KATNIP: variants seen among roughly 807,000 people sequenced by gnomAD.
The protein encoded by KATNIP is katanin interacting protein.
Under a neutral mutation model 174.0 loss-of-function variants are expected in KATNIP, and 126 were observed. The observed-to-expected ratio is 0.72, with a 90% CI of 0.63 to 0.84. The LOEUF (loss-of-function observed/expected upper bound fraction) is 0.84, where lower values mean the gene tolerates loss of function less well. Among genes scored for constraint, KATNIP ranks in the 40% least tolerant of loss-of-function variants. The pLI, the probability that KATNIP is intolerant of heterozygous loss-of-function variation, is 0.00. For synonymous variants in KATNIP, 810 were observed against 835.7 expected, an observed-to-expected ratio of 0.97 and a Z score of 0.53; for missense variants, 1,958 against 2,109.7, an observed-to-expected ratio of 0.93 and a Z score of 1.41.
At chr16:27,670,496 A>G (rs2077857246) in intron 6 of KATNIP, among the ~76,000 whole-genome samples, 1 of 152,160 alleles carries the variant, frequency 6.6e-6, no homozygotes, top group South Asian at 2.1e-4. Flanking sequence ...TGCCGTCTGT[A>G]TTCCCTGGGT....
At chr16:27,669,665 A>C (rs2077821822) in intron 6 of KATNIP, among the ~76,000 whole-genome samples, 1 of 152,080 alleles carries the variant, frequency 6.6e-6, no homozygotes. Context: ...GTTGCTCCTT[A>C]GTTTGTCTCC....
intron 2 of KATNIP, among the ~76,000 whole-genome samples, chr16:27,606,752 A>AGT (rs2075719889): frequency 1.3e-5 from 2 of 151,368 alleles, no homozygotes; most frequent in Non-Finnish European, 2.9e-5. Context: ...TTTTGGTAGA[A>AGT]GTGGGATCTC....
chr16:27,584,046 C>A (rs557379272), intron 2 of KATNIP, among the ~76,000 whole-genome samples: 15 of 152,262 alleles, frequency 9.9e-5, no homozygotes, highest in African/African-American at 3.6e-4. Context: ...CTCATAGCTT[C>A]AGTTTCTTTC....
chr16:27,599,097 T>C (rs927290704), intron 2 of KATNIP, among the ~76,000 whole-genome samples: 3 of 152,200 alleles, frequency 2.0e-5, no homozygotes, highest in South Asian at 2.1e-4. Flanking sequence ...CAACACCTGC[T>C]GCCCATGCAA....
chr16:27,581,590 ATTTCT>A (rs1252457396), intron 2 of KATNIP, among the ~76,000 whole-genome samples: 2 of 152,050 alleles, frequency 1.3e-5, no homozygotes, highest in Non-Finnish European at 2.9e-5. Context: ...TAGCACCTTG[ATTTCT>A]TTTGTTTTAC....
At chr16:27,621,283 TAAA>T (rs1269212008) in intron 3 of KATNIP, among the ~76,000 whole-genome samples, 1 of 143,504 alleles carries the variant, frequency 7.0e-6, no homozygotes, top group Non-Finnish European at 1.5e-5. Context: ...ACACTGTCTC[TAAA>T]AAAAAAAAGA....
intron 21 of KATNIP, 141 bp downstream of exon 21, chr16:27,770,159 GCTCAGCCAAGC>G (rs2082250845): frequency 2.0e-6 from 2 of 1,019,514 alleles, no homozygotes; most frequent in Non-Finnish European, 2.8e-6. Flanking sequence ...ATTTTCTAAA[GCTCAGCCAAGC>G]CTCACCGGAA....
At chr16:27,768,196 G>A (rs576626876) in intron 20 of KATNIP, among the ~76,000 whole-genome samples, 1 of 152,284 alleles carries the variant, frequency 6.6e-6, no homozygotes, top group South Asian at 2.1e-4. Context: ...GAGCACCAGG[G>A]GTCCCTGACA....
chr16:27,756,709 G>T (rs533010231), intron 18 of KATNIP, among the ~76,000 whole-genome samples: 2 of 151,830 alleles, frequency 1.3e-5, no homozygotes, highest in South Asian at 4.2e-4. Flanking sequence ...TTTTTTTTTG[G>T]CAGGGGATGA....
intron 1 of KATNIP, among the ~76,000 whole-genome samples, chr16:27,566,712 G>A (rs1034793626): frequency 2.6e-5 from 4 of 152,092 alleles, no homozygotes; most frequent in African/African-American, 2.4e-5. Context: ...TCCTTGTTGT[G>A]TGACCATGGG....
At chr16:27,778,089 GC>G in intron 27 of KATNIP, 120 bp downstream of exon 27, 1 of 822,716 alleles carries the variant, frequency 1.2e-6, no homozygotes, top group Non-Finnish European at 1.9e-6. Context: ...GCTCTCCTCT[GC>G]CCAGGAGCCT....
In KATNIP at chr16:27,740,072, T is replaced by C; in HGVS notation, c.1775T>C (p.Leu592Pro). ...DLDIGAKNVK[L>P]YVNRNLIFNG... ...GACATTGGTGCCAAGAACGTGAAGCTTTACGTCAACAGAAACCTCATCTTC... is the reference window on the plus strand; with the variant it reads ...GACATTGGTGCCAAGAACGTGAAGCCTTACGTCAACAGAAACCTCATCTTC... Residue 592 changes from leucine (L) to proline (P), a missense_variant, in exon 15 of 28, where the codon CTT (leucine) becomes CCT (proline). Leu to Pro is a moderately conservative substitution (Grantham distance 98). Coordinates refer to ENST00000261588, the MANE Select transcript of KATNIP (RefSeq NM_015202.5). 6.2e-7 allele frequency: 1 copy of C among 1,613,838 alleles called. No homozygotes were observed. Among genetic ancestry groups the C allele is most frequent in the Middle Eastern group, 1.6e-4 (1 of 6,062 alleles).
chr16:27,778,500 A>G, intron 27 of KATNIP, 74 bp from the exon 28 acceptor site: 1 of 1,472,778 alleles, frequency 6.8e-7, no homozygotes, highest in Non-Finnish European at 9.4e-7. Context: ...GCTGGATTTC[A>G]CTGGGGAGTG....
At chr16:27,627,400 G>T (rs1311618724) in intron 3 of KATNIP, among the ~76,000 whole-genome samples, 1 of 152,220 alleles carries the variant, frequency 6.6e-6, no homozygotes, top group Non-Finnish European at 1.5e-5. Flanking sequence ...AGGAAGCTTT[G>T]TTCAGGCATG....
At chr16:27,653,737 C>T (rs2077185582) in intron 6 of KATNIP, among the ~76,000 whole-genome samples, 1 of 151,684 alleles carries the variant, frequency 6.6e-6, no homozygotes. Flanking sequence ...CAGCTCATTG[C>T]AACCTCTACC....
At chr16:27,633,915 G>T (rs118063744) in intron 5 of KATNIP, among the ~76,000 whole-genome samples, 2 of 152,342 alleles carry the variant, frequency 1.3e-5, no homozygotes, top group Non-Finnish European at 2.9e-5. Flanking sequence ...AACTGGGGAA[G>T]GGTGTCCCTG....
At chr16:27,715,210 A>T (rs950076405) in intron 13 of KATNIP, among the ~76,000 whole-genome samples, 2 of 152,262 alleles carry the variant, frequency 1.3e-5, no homozygotes, top group African/African-American at 4.8e-5. Flanking sequence ...CATTCAAAAA[A>T]TGGCCTTGGG....
intron 18 of KATNIP, 121 bp from the exon 19 acceptor site, chr16:27,761,292 T>G: frequency 2.0e-6 from 2 of 1,023,540 alleles, no homozygotes; most frequent in Non-Finnish European, 2.8e-6. Flanking sequence ...GCAAGGCACT[T>G]TGGGTCTGGG....
intron 13 of KATNIP, 44 bp downstream of exon 13, chr16:27,708,964 C>T (rs1382856093): frequency 1.4e-6 from 2 of 1,458,926 alleles, no homozygotes; most frequent in South Asian, 1.2e-5. Flanking sequence ...TGTGTATTCC[C>T]ATGCATTTTC....
Sources: allele counts gnomAD v4.1 joint callset (sites outside exome capture counted in the v4.1 genomes callset), GRCh38; gene constraint gnomAD v4.1.1; transcripts MANE v1.5; gene names NCBI Gene and HGNC (gene_info 2026-07-23, HGNC 2026-07-21).